The following SLC35F1 variants were observed in gnomAD, a reference collection of about 807,000 sequenced individuals.
SLC35F1 encodes the protein solute carrier family 35 member F1.
In SLC35F1, 14 loss-of-function variants were observed where a neutral mutation model predicts 48.7. The ratio of observed to expected loss-of-function variants is 0.29; its 90% CI spans 0.19 to 0.45. The LOEUF is 0.45. Ranked by LOEUF, SLC35F1 falls within the 20% of genes least tolerant of loss-of-function variation. The probability of loss-of-function intolerance (pLI) is 1.00; values close to 1 mark genes in which losing one functional copy is unlikely to be tolerated. For synonymous variants in SLC35F1, 190 were observed against 202.2 expected, an observed-to-expected ratio of 0.94 and a Z score of 0.51; for missense variants, 404 against 500.0, an observed-to-expected ratio of 0.81 and a Z score of 1.83.
rs557394637 is a variant in SLC35F1, at chr6:118,134,795, G to A, written c.174-19650G>A. Reference sequence around the variant, plus strand: ...TAGCGGCTCAGAAGTGACTTGTGCCGTTTTAGAGATCTGCAGTCACTTCCC... The same window carrying A: ...TAGCGGCTCAGAAGTGACTTGTGCCATTTTAGAGATCTGCAGTCACTTCCC... On this transcript the variant is annotated intron_variant, in intron 1 of 7. Transcript: ENST00000360388. 5.3e-5 allele frequency among the ~76,000 whole-genome samples: 8 copies of A among 152,246 alleles called. No homozygotes were observed. The South Asian group carries it at 1.7e-3, about 32-fold the overall frequency.
intron 1 of SLC35F1, among the ~76,000 whole-genome samples, chr6:118,091,806 G>T (rs1773077704): frequency 1.3e-5 from 2 of 152,194 alleles, no homozygotes; most frequent in Non-Finnish European, 2.9e-5. Context: ...CCAAAATGCT[G>T]ATAATATTGT....
intron 1 of SLC35F1, among the ~76,000 whole-genome samples, chr6:117,912,037 C>T (rs1211358963): frequency 6.6e-6 from 1 of 152,130 alleles, no homozygotes; most frequent in Non-Finnish European, 1.5e-5. Flanking sequence ...GTATTATTTT[C>T]AGTTGTTAAC....
chr6:118,039,653 T>C (rs1043655068), intron 1 of SLC35F1, among the ~76,000 whole-genome samples: 1 of 151,982 alleles, frequency 6.6e-6, no homozygotes, highest in Non-Finnish European at 1.5e-5. Context: ...AAAAATTGCA[T>C]GCATTGTATT....
intron 3 of SLC35F1, among the ~76,000 whole-genome samples, chr6:118,255,320 T>C (rs1287808596): frequency 1.3e-5 from 2 of 152,202 alleles, no homozygotes; most frequent in African/African-American, 4.8e-5. Context: ...TGGCATATAG[T>C]AGGCACTCAG....
At chr6:118,195,946 T>C (rs1774795238) in intron 2 of SLC35F1, among the ~76,000 whole-genome samples, 1 of 152,126 alleles carries the variant, frequency 6.6e-6, no homozygotes, top group Non-Finnish European at 1.5e-5. Context: ...TCTGACACCA[T>C]CTATTAAAAA....
chr6:118,084,531 T>A (rs753427224), intron 1 of SLC35F1, among the ~76,000 whole-genome samples: 2 of 152,164 alleles, frequency 1.3e-5, no homozygotes, highest in African/African-American at 2.4e-5. Context: ...TGCCTACAAA[T>A]GCTTTACCTT....
chr6:117,964,367 A>T (rs142496015), intron 1 of SLC35F1, among the ~76,000 whole-genome samples: 1 of 152,288 alleles, frequency 6.6e-6, no homozygotes, highest in East Asian at 1.9e-4. Context: ...TTACTCTCAC[A>T]TCCAATTTAA....
intron 1 of SLC35F1, among the ~76,000 whole-genome samples, chr6:118,042,381 A>C (rs4946319): frequency 0.74 from 112,756 of 152,050 alleles, 42,762 homozygotes; most frequent in East Asian, 0.83. Flanking sequence ...GAAACAACTA[A>C]CTCTACCTGC....
intron 2 of SLC35F1, among the ~76,000 whole-genome samples, chr6:118,189,070 C>G (rs1213185304): frequency 6.6e-6 from 1 of 152,114 alleles, no homozygotes; most frequent in African/African-American, 2.4e-5. Context: ...AACCACCATG[C>G]CTGGCTAGTT....
At chr6:118,284,270 G>T (rs1007597481) in intron 6 of SLC35F1, among the ~76,000 whole-genome samples, 1 of 152,140 alleles carries the variant, frequency 6.6e-6, no homozygotes, top group Non-Finnish European at 1.5e-5. Flanking sequence ...TTATTATGTT[G>T]TAATACCAAG....
intron 3 of SLC35F1, among the ~76,000 whole-genome samples, chr6:118,236,574 T>C (rs138471641): frequency 6.6e-6 from 1 of 152,336 alleles, no homozygotes; most frequent in Non-Finnish European, 1.5e-5. Flanking sequence ...GGAAACTATC[T>C]ACACCTGACT....
At chr6:118,178,309 G>A (rs1367397904) in intron 2 of SLC35F1, among the ~76,000 whole-genome samples, 1 of 151,984 alleles carries the variant, frequency 6.6e-6, no homozygotes, top group African/African-American at 2.4e-5. Context: ...TTGTTTCTAG[G>A]GGCCAACCGC....
At chr6:118,309,192 T>TGC in intron 7 of SLC35F1, among the ~76,000 whole-genome samples, 1 of 150,654 alleles carries the variant, frequency 6.6e-6, no homozygotes, top group East Asian at 1.9e-4. Context: ...TGTGTGTGTG[T>TGC]GTGTGTGTGT....
At chr6:118,218,360 T>C (rs1182556787) in intron 2 of SLC35F1, among the ~76,000 whole-genome samples, 1 of 152,150 alleles carries the variant, frequency 6.6e-6, no homozygotes, top group Non-Finnish European at 1.5e-5. Context: ...CCATACCCTT[T>C]GCAAAGCAGC....
chr6:118,042,366 A>C (rs1387489583), intron 1 of SLC35F1, among the ~76,000 whole-genome samples: 1 of 152,216 alleles, frequency 6.6e-6, no homozygotes, highest in African/African-American at 2.4e-5. Flanking sequence ...GGTGGCACAA[A>C]GCATGAAACA....
intron 1 of SLC35F1, among the ~76,000 whole-genome samples, chr6:118,146,935 A>G (rs1773982558): frequency 6.6e-6 from 1 of 152,218 alleles, no homozygotes; most frequent in Non-Finnish European, 1.5e-5. Context: ...AGTATCTTCT[A>G]AAAGTAAGTC....
chr6:118,182,403 T>A (rs1442906842), intron 2 of SLC35F1, among the ~76,000 whole-genome samples: 1 of 150,080 alleles, frequency 6.7e-6, no homozygotes, highest in Non-Finnish European at 1.5e-5. Flanking sequence ...AGTGGAAGGA[T>A]CTTGTTTAAG....
rs140139442 is a variant in SLC35F1, at chr6:118,188,491, G to A, written c.349+33871G>A. Among the ~76,000 whole-genome samples the A allele has an allele frequency of 4.6e-3, 694 of 151,862 alleles. 6 individuals are homozygous for A. The highest frequency in any genetic ancestry group is 0.016 in the African/African-American group (673 of 41,414). ...CTTGAACCTGGGAGGCAGAGGTTGC[G>A]GTGAGCCAAGACCGTGCCGTTGTAC... is the stretch of plus-strand genomic sequence containing the variant. On this transcript the variant is annotated intron_variant, in intron 2 of 7. Transcript: ENST00000360388.
At chr6:118,080,006 G>A (rs1004697115) in intron 1 of SLC35F1, among the ~76,000 whole-genome samples, 2 of 152,072 alleles carry the variant, frequency 1.3e-5, no homozygotes, top group Admixed American at 1.3e-4. Context: ...AGGGGACTAG[G>A]AATTTAGAAA....
Sources: gnomAD v4.1 joint callset for allele counts (sites outside exome capture counted in the v4.1 genomes callset) on GRCh38, gnomAD v4.1.1 for gene constraint, MANE v1.5 for transcripts, NCBI Gene and HGNC (gene_info 2026-07-23, HGNC 2026-07-21) for gene names.